Variants in SDK1 observed in about 807,000 individuals in gnomAD.
The protein encoded by SDK1 is sidekick cell adhesion molecule 1.
A neutral mutation model predicts 245.5 loss-of-function variants in SDK1; 157 were observed. That is an observed-to-expected ratio of 0.64 (90% CI 0.56 to 0.73). The LOEUF is 0.73. SDK1 is among the 30% of genes least tolerant of loss of function. The pLI is 0.00. For missense variants in SDK1, 3,583 were observed against 3,002.3 expected, an observed-to-expected ratio of 1.19 and a Z score of -4.52; for synonymous variants, 1,647 against 1,278.5, an observed-to-expected ratio of 1.29 and a Z score of -6.15.
intron 1 of SDK1, among the ~76,000 whole-genome samples, chr7:3,336,851 C>T (rs1177762386): frequency 2.6e-5 from 4 of 152,190 alleles, no homozygotes; most frequent in South Asian, 2.1e-4. Context: ...TGAGTCATCA[C>T]CCCACTTTTG....
rs573136399 is a variant in SDK1 at position 3,543,362 on chromosome 7, G to T, written c.299-75718G>T. ...CACTATCTGTTGCAAGTGTGAGGAT[G>T]AAGCCACAGATGGCTAGACTCTGAC... On this transcript the variant is annotated intron_variant, in intron 1 of 44. Coordinates refer to ENST00000404826, the MANE Select transcript of SDK1 (RefSeq NM_152744.4). 2.6e-5 allele frequency among the ~76,000 whole-genome samples: 4 copies of T among 152,376 alleles called. No homozygotes were observed. In the East Asian group the frequency reaches 7.7e-4, roughly 29 times the overall value.
Position 3,951,181 on chromosome 7 carries a change from G to T in SDK1, c.959+147G>T, listed in dbSNP as rs191762215. ...CGGGTGGGCCATGAATACGAGATAT[G>T]GGTAGATAAGGAAATGGACACACTG... On this transcript the variant is annotated intron_variant, in intron 6 of 44. Coordinates refer to ENST00000404826, the MANE Select transcript of SDK1 (RefSeq NM_152744.4). The T allele has an allele frequency of 3.8e-5, 24 of 639,552 alleles. No homozygotes were observed. In the East Asian group the frequency reaches 6.1e-4, roughly 16 times the overall value. 39.6% of individuals were successfully genotyped at this position (639,552 alleles called of 1,614,324 possible).
At chr7:3,528,527 T>C (rs997993113) in intron 1 of SDK1, among the ~76,000 whole-genome samples, 20 of 152,000 alleles carry the variant, frequency 1.3e-4, no homozygotes, top group African/African-American at 4.4e-4. Flanking sequence ...TAAGCGTGTT[T>C]GCATTTATTT....
intron 1 of SDK1, among the ~76,000 whole-genome samples, chr7:3,520,399 C>T (rs914522004): frequency 6.6e-6 from 1 of 152,142 alleles, no homozygotes. Context: ...TAGTATAGTG[C>T]TAATGATAAC....
At chr7:3,528,128 C>G (rs112616734) in intron 1 of SDK1, among the ~76,000 whole-genome samples, 209 of 74,796 alleles carry the variant, frequency 2.8e-3, no homozygotes, top group Middle Eastern at 6.9e-3. Context: ...TAGCCAGCTA[C>G]GGGGTGAATG....
Position 3,578,470 on chromosome 7 carries a change from G to A in SDK1, c.299-40610G>A, listed in dbSNP as rs180691588. Reference sequence around the variant, plus strand: ...AACATCTTAACAGAAAACAGGATTCGAGAGCAGAAAACCAGTCTGACCTCA... The same window carrying A: ...AACATCTTAACAGAAAACAGGATTCAAGAGCAGAAAACCAGTCTGACCTCA... On this transcript the variant is annotated intron_variant, in intron 1 of 44. Transcript: ENST00000404826. 8.5e-5 allele frequency among the ~76,000 whole-genome samples: 13 copies of A among 152,098 alleles called. No homozygotes were observed. The East Asian group carries it at 1.7e-3, about 20-fold the overall frequency.
At chr7:3,482,443 A>G (rs1487781584) in intron 1 of SDK1, among the ~76,000 whole-genome samples, 1 of 152,142 alleles carries the variant, frequency 6.6e-6, no homozygotes, top group East Asian at 1.9e-4. Context: ...ACAAAGTGGG[A>G]AGCTCCAAGA....
At chr7:3,795,164 A>G (rs1778931730) in intron 4 of SDK1, among the ~76,000 whole-genome samples, 1 of 152,054 alleles carries the variant, frequency 6.6e-6, no homozygotes, top group Non-Finnish European at 1.5e-5. Flanking sequence ...TTTTAACCAC[A>G]TCAAGTTGCC....
At chr7:3,821,237 TCAGACAC>T (rs1562468491) in intron 4 of SDK1, among the ~76,000 whole-genome samples, 28 of 152,058 alleles carry the variant, frequency 1.8e-4, no homozygotes, top group African/African-American at 6.8e-4. Context: ...CCCGGTAGGC[TCAGACAC>T]TGGGGCTGCA....
chr7:3,913,783 G>GT (rs1779272418), intron 5 of SDK1, among the ~76,000 whole-genome samples: 1 of 152,092 alleles, frequency 6.6e-6, no homozygotes, highest in South Asian at 2.1e-4. Flanking sequence ...ATATTTTGGG[G>GT]TAGACAGATG....
chr7:3,962,587 A>G, intron 8 of SDK1, 70 bp from the exon 9 acceptor site: 2 of 1,327,928 alleles, frequency 1.5e-6, no homozygotes, highest in Non-Finnish European at 1.0e-6. Flanking sequence ...CTAGCCTTTG[A>G]AACAGATGTG....
At chr7:3,713,497 A>C (rs925279778) in intron 4 of SDK1, among the ~76,000 whole-genome samples, 1 of 152,186 alleles carries the variant, frequency 6.6e-6, no homozygotes, top group African/African-American at 2.4e-5. Flanking sequence ...TGAGTGTCTT[A>C]GATATGTCTC....
intron 22 of SDK1, among the ~76,000 whole-genome samples, chr7:4,087,066 C>T (rs1781469794): frequency 6.6e-6 from 1 of 151,722 alleles, no homozygotes; most frequent in Admixed American, 6.6e-5. Flanking sequence ...ATTTATGACT[C>T]CTTTCTTGCA....
At chr7:3,532,821 C>T (rs1057041644) in intron 1 of SDK1, among the ~76,000 whole-genome samples, 1 of 152,142 alleles carries the variant, frequency 6.6e-6, no homozygotes, top group African/African-American at 2.4e-5. Context: ...ATCTTACCTC[C>T]TCTGCGTTCT....
chr7:3,979,026 C>T (rs371420795), intron 13 of SDK1, among the ~76,000 whole-genome samples: 1 of 152,222 alleles, frequency 6.6e-6, no homozygotes, highest in East Asian at 1.9e-4. Context: ...GCGGCCCCCA[C>T]ACCCACATCA....
In SDK1 at chr7:3,581,259, A is replaced by G. The variant is rs567501066; in HGVS notation, c.299-37821A>G. On this transcript the variant is annotated intron_variant, in intron 1 of 44. Transcript: ENST00000404826. The stretch of plus-strand genomic sequence containing the variant: ...TCTATAAGGAACTTAAATTTACAAA[A>G]AAAACCTATTAATCGAATATGATAA... Among the ~76,000 whole-genome samples, 8 of 152,278 alleles carry G rather than the reference A, an allele frequency of 5.3e-5. 1 individual carries two copies. Among genetic ancestry groups the G allele is most frequent in the African/African-American group, 1.9e-4 (8 of 41,540 alleles).
intron 5 of SDK1, among the ~76,000 whole-genome samples, chr7:3,856,548 T>C (rs1249440264): frequency 6.7e-6 from 1 of 149,310 alleles, no homozygotes; most frequent in Non-Finnish European, 1.5e-5. Flanking sequence ...CCCAGTACTT[T>C]GGGAGGCCGA....
chr7:4,153,109 G>C (rs1780492665), intron 30 of SDK1, among the ~76,000 whole-genome samples: 1 of 152,136 alleles, frequency 6.6e-6, no homozygotes, highest in African/African-American at 2.4e-5. Context: ...CCTCCTCTGA[G>C]CTCTGTCGTG....
At chr7:3,326,414 T>C (rs1056524854) in intron 1 of SDK1, among the ~76,000 whole-genome samples, 2 of 152,230 alleles carry the variant, frequency 1.3e-5, no homozygotes, top group Admixed American at 1.3e-4. Flanking sequence ...AGTCATAGTT[T>C]AGTTTACTCT....
Sources: allele counts gnomAD v4.1 joint callset (sites outside exome capture counted in the v4.1 genomes callset), GRCh38; gene constraint gnomAD v4.1.1; transcripts MANE v1.5; gene names NCBI Gene and HGNC (gene_info 2026-07-23, HGNC 2026-07-21).